SKAP1: variants seen among roughly 807,000 people sequenced by gnomAD.
The protein encoded by SKAP1 is src kinase-associated phosphoprotein 1.
Under a neutral mutation model 58.5 loss-of-function variants are expected in SKAP1, and 44 were observed. That is an observed-to-expected ratio of 0.75 (90% confidence interval 0.59 to 0.97). The LOEUF is 0.97. SKAP1 is among the 50% of genes least tolerant of loss of function. The pLI, the probability that SKAP1 is intolerant of heterozygous loss-of-function variation, is 0.00. For synonymous variants in SKAP1, 127 were observed against 149.7 expected (o/e 0.85, Z 1.11); for missense variants, 390 against 435.2 (o/e 0.90, Z 0.92).
At position 48,134,923 on chromosome 17, in the gene SKAP1, C is replaced by T. The variant is rs574727247; in HGVS notation, c.*8-1107G>A. ...TTCACCATGTTGGTGAGGCCGGTCCCGAACTCCTGACCTCAAGTGATCCAC... is the reference window on the plus strand; with the variant it reads ...TTCACCATGTTGGTGAGGCCGGTCCTGAACTCCTGACCTCAAGTGATCCAC... On this transcript the variant is annotated intron_variant, in intron 12 of 12. Coordinates refer to ENST00000336915, the MANE Select transcript of SKAP1 (RefSeq NM_003726.4). Among the ~76,000 whole-genome samples the T allele has an allele frequency of 1.2e-4, 18 of 152,202 alleles. No individual in the cohort carries two copies. In the East Asian group the frequency reaches 2.1e-3, roughly 18 times the overall value.
chr17:48,165,391 C>A (rs917700063), intron 10 of SKAP1, among the ~76,000 whole-genome samples: 4 of 148,512 alleles, frequency 2.7e-5, no homozygotes, highest in African/African-American at 5.0e-5. Flanking sequence ...TTCTTTCTTT[C>A]TTTCTTTCTT....
intron 4 of SKAP1, among the ~76,000 whole-genome samples, chr17:48,270,742 AT>A (rs1478568256): frequency 6.6e-6 from 1 of 152,100 alleles, no homozygotes; most frequent in Non-Finnish European, 1.5e-5. Context: ...GGTCAAGGCT[AT>A]TTTTTACCAA....
intron 4 of SKAP1, among the ~76,000 whole-genome samples, chr17:48,256,679 A>G (rs1310327771): frequency 6.6e-6 from 1 of 152,114 alleles, no homozygotes; most frequent in Non-Finnish European, 1.5e-5. Context: ...CAGTGCTGAG[A>G]AAGTCTTGTA....
At chr17:48,408,248 A>G (rs2067615051) in intron 1 of SKAP1, among the ~76,000 whole-genome samples, 1 of 152,204 alleles carries the variant, frequency 6.6e-6, no homozygotes, top group South Asian at 2.1e-4. Context: ...AGTTGCTGAG[A>G]AAAATATAAA....
chr17:48,303,292 G>A (rs1375451734), intron 4 of SKAP1, among the ~76,000 whole-genome samples: 1 of 152,098 alleles, frequency 6.6e-6, no homozygotes, highest in East Asian at 1.9e-4. Context: ...GGGAAAGGGG[G>A]TCTCCTGGTC....
the SKAP1 span, among the ~76,000 whole-genome samples, chr17:48,438,150 C>T: frequency 5.9e-5 from 9 of 152,158 alleles, no homozygotes; most frequent in East Asian, 1.9e-4. Flanking sequence ...AATCTGCCAC[C>T]GCTTGCTGTG....
chr17:48,391,311 G>A (rs1010574199), intron 2 of SKAP1, among the ~76,000 whole-genome samples: 1 of 152,094 alleles, frequency 6.6e-6, no homozygotes, highest in African/African-American at 2.4e-5. Flanking sequence ...AAAATTATAA[G>A]GAGAGTTATA....
chr17:48,267,838 C>T (rs2065573058), intron 4 of SKAP1, among the ~76,000 whole-genome samples: 1 of 152,118 alleles, frequency 6.6e-6, no homozygotes, highest in African/African-American at 2.4e-5. Flanking sequence ...TAGATACCAA[C>T]AGATAAATGG....
At chr17:48,297,229 G>T (rs375158554) in intron 4 of SKAP1, among the ~76,000 whole-genome samples, 41 of 152,048 alleles carry the variant, frequency 2.7e-4, no homozygotes, top group East Asian at 2.1e-3. Flanking sequence ...GGTTAACATG[G>T]TTATTTTAAA....
At chr17:48,266,572 G>A (rs1390901824) in intron 4 of SKAP1, among the ~76,000 whole-genome samples, 3 of 148,114 alleles carry the variant, frequency 2.0e-5, no homozygotes, top group Non-Finnish European at 3.0e-5. Flanking sequence ...GTGCAGTGGC[G>A]CAATCTTGAC....
chr17:48,155,636 C>T (rs182870295), intron 11 of SKAP1, among the ~76,000 whole-genome samples: 1 of 151,924 alleles, frequency 6.6e-6, no homozygotes, highest in Admixed American at 6.6e-5. Context: ...GCAGATGGAT[C>T]ACCTGAGGCC....
At chr17:48,304,008 T>C (rs1162595042) in intron 4 of SKAP1, among the ~76,000 whole-genome samples, 1 of 152,128 alleles carries the variant, frequency 6.6e-6, no homozygotes, top group Non-Finnish European at 1.5e-5. Flanking sequence ...AGAAGTAAAC[T>C]TGGGAATGGC....
chr17:48,353,672 A>G (rs8078038), intron 3 of SKAP1, among the ~76,000 whole-genome samples: 50,656 of 151,764 alleles, frequency 0.33, 9,146 homozygotes, highest in African/African-American at 0.47. Flanking sequence ...GAGGCAGGTG[A>G]ATCACCTGAG....
intron 4 of SKAP1, among the ~76,000 whole-genome samples, chr17:48,228,909 C>T (rs1194938776): frequency 6.6e-6 from 1 of 152,128 alleles, no homozygotes; most frequent in African/African-American, 2.4e-5. Flanking sequence ...GGTTTGCTGG[C>T]ACAGGGCCCT....
At chr17:48,398,400 A>T in intron 1 of SKAP1, among the ~76,000 whole-genome samples, 1 of 152,102 alleles carries the variant, frequency 6.6e-6, no homozygotes, top group Non-Finnish European at 1.5e-5. Flanking sequence ...GCAGAAAAAC[A>T]AGCTCAAGCC....
intron 4 of SKAP1, among the ~76,000 whole-genome samples, chr17:48,221,530 T>C (rs1467901174): frequency 1.3e-5 from 2 of 152,328 alleles, no homozygotes; most frequent in East Asian, 3.9e-4. Flanking sequence ...GAATTTGTAT[T>C]TCCTAGCCTG....
intron 3 of SKAP1, among the ~76,000 whole-genome samples, chr17:48,357,020 T>C (rs1335792718): frequency 6.6e-6 from 1 of 152,182 alleles, no homozygotes; most frequent in South Asian, 2.1e-4. Flanking sequence ...TGTATCATTT[T>C]CTTTTAACTC....
At chr17:48,435,555 A>G in the SKAP1 span, among the ~76,000 whole-genome samples, 1 of 152,230 alleles carries the variant, frequency 6.6e-6, no homozygotes, top group Non-Finnish European at 1.5e-5. Flanking sequence ...GCTGGAAGAA[A>G]TAGTCTTTTC....
At chr17:48,241,024 C>T (rs1322882354) in intron 4 of SKAP1, among the ~76,000 whole-genome samples, 1 of 152,112 alleles carries the variant, frequency 6.6e-6, no homozygotes, top group African/African-American at 2.4e-5. Flanking sequence ...AATGTGAGGC[C>T]ATGAGACAGC....
Sources: allele counts gnomAD v4.1 joint callset (sites outside exome capture counted in the v4.1 genomes callset), GRCh38; gene constraint gnomAD v4.1.1; transcripts MANE v1.5; gene names NCBI Gene and HGNC (gene_info 2026-07-23, HGNC 2026-07-21).